SHOC2: variants seen among roughly 807,000 people sequenced by gnomAD.
The protein encoded by SHOC2 is leucine-rich repeat protein SHOC-2.
A neutral mutation model predicts 50.2 loss-of-function variants in SHOC2; 4 were observed. The observed-to-expected ratio is 0.08, with a 90% CI of 0.04 to 0.18. The LOEUF is 0.18. Among genes scored for constraint, SHOC2 ranks in the 10% least tolerant of loss-of-function variants. The pLI is 1.00. For missense variants in SHOC2, 388 were observed against 669.6 expected, an observed-to-expected ratio of 0.58 and a Z score of 4.64; for synonymous variants, 218 against 244.5, an observed-to-expected ratio of 0.89 and a Z score of 1.01.
At chr10:111,005,187 T>A (rs540104236) in intron 5 of SHOC2, among the ~76,000 whole-genome samples, 12 of 152,248 alleles carry the variant, frequency 7.9e-5, no homozygotes, top group African/African-American at 2.9e-4. Flanking sequence ...GGCAGGAGGA[T>A]GGCTTGAGCC....
chr10:110,946,955 C>A (rs958338140), intron 1 of SHOC2, among the ~76,000 whole-genome samples: 1 of 152,056 alleles, frequency 6.6e-6, no homozygotes, highest in South Asian at 2.1e-4. Context: ...AGAAGCATTT[C>A]GAATAACCAC....
chr10:110,974,389 G>C (rs192114502), intron 2 of SHOC2, among the ~76,000 whole-genome samples: 273 of 151,946 alleles, frequency 1.8e-3, no homozygotes, highest in African/African-American at 6.5e-3. Context: ...ACTATATTCT[G>C]TTGTTTTTTG....
chr10:110,989,058 A>G (rs1171304190), intron 3 of SHOC2: 1 of 495,268 alleles, frequency 2.0e-6, no homozygotes, highest in East Asian at 5.6e-5. Flanking sequence ...TCCATGATAT[A>G]TTATTGACTT....
intron 1 of SHOC2, among the ~76,000 whole-genome samples, chr10:110,922,056 C>A (rs971683044): frequency 2.0e-5 from 3 of 151,890 alleles, no homozygotes; most frequent in Non-Finnish European, 2.9e-5. Flanking sequence ...GGTCATGCAT[C>A]AACTTCTGAA....
chr10:110,963,998 A>C, intron 1 of SHOC2, 127 bp from the exon 2 acceptor site: 1 of 406,600 alleles, frequency 2.5e-6, no homozygotes, highest in South Asian at 9.9e-5. Flanking sequence ...TTTACCTATA[A>C]AGGATGTTCA....
chr10:110,945,274 A>C (rs1431150039), intron 1 of SHOC2, among the ~76,000 whole-genome samples: 3 of 152,214 alleles, frequency 2.0e-5, no homozygotes, highest in Admixed American at 6.5e-5. Context: ...TCCTGGAAAC[A>C]AGACTGCTCA....
At chr10:110,986,056 C>G (rs1848070543) in intron 3 of SHOC2, 1 of 332,528 alleles carries the variant, frequency 3.0e-6, no homozygotes, top group Non-Finnish European at 5.7e-6. Flanking sequence ...TTTTCTATTT[C>G]TGCTTATTTC....
At chr10:110,921,022 A>G (rs1590768426) in intron 1 of SHOC2, among the ~76,000 whole-genome samples, 1 of 152,226 alleles carries the variant, frequency 6.6e-6, no homozygotes, top group South Asian at 2.1e-4. Context: ...CAGCAACACC[A>G]CTGAAAAATA....
chr10:110,950,784 G>A (rs1046660056), intron 1 of SHOC2, among the ~76,000 whole-genome samples: 7 of 152,096 alleles, frequency 4.6e-5, no homozygotes, highest in Non-Finnish European at 1.0e-4. Context: ...TTCAATAAAT[G>A]GTGTTGGAAA....
chr10:110,962,607 A>G lies in SHOC2; in HGVS notation c.-234-1518A>G, dbSNP rs548899480. On this transcript the variant is annotated intron_variant, in intron 1 of 8. Coordinates refer to ENST00000369452, the MANE Select transcript of SHOC2 (RefSeq NM_007373.4). ...GCAGTTTCAAATTTACAGATTATTCATCCTCTACCCCAGTTCCTGTTATTT... is the reference window on the plus strand; with the variant it reads ...GCAGTTTCAAATTTACAGATTATTCGTCCTCTACCCCAGTTCCTGTTATTT... Among the ~76,000 whole-genome samples the G allele has an allele frequency of 5.3e-5, 8 of 152,258 alleles. No homozygotes were observed. The East Asian group carries it at 7.7e-4, about 15-fold the overall frequency.
At chr10:110,981,955 C>A (rs901597047) in intron 2 of SHOC2, among the ~76,000 whole-genome samples, 2 of 140,968 alleles carry the variant, frequency 1.4e-5, no homozygotes, top group Non-Finnish European at 3.1e-5. Context: ...GCTGCACCCA[C>A]TAACTTGTCA....
At chr10:111,009,430 CT>C (rs761420806) in intron 7 of SHOC2, 45 bp downstream of exon 7, 24 of 1,489,540 alleles carry the variant, frequency 1.6e-5, no homozygotes, top group Non-Finnish European at 2.1e-5. Flanking sequence ...TTTTTGGAAT[CT>C]GTTCCAAATT....
At chr10:110,990,274 T>C (rs1309368264) in intron 3 of SHOC2, among the ~76,000 whole-genome samples, 4 of 152,018 alleles carry the variant, frequency 2.6e-5, no homozygotes, top group Non-Finnish European at 5.9e-5. Flanking sequence ...TCAGGGATTG[T>C]AAATACACCA....
chr10:110,964,374 G>C lies in SHOC2; in HGVS notation c.16G>C (p.Gly6Arg). 1 of 1,612,882 alleles carries C rather than the reference G, an allele frequency of 6.2e-7. No individual in the cohort carries two copies. MSSSL[G>R]KEKDSKEKDP... ...TTGAGTCACCATGAGTAGTAGTTTA[G>C]GAAAAGAAAAAGACTCTAAAGAAAA... The change falls in exon 2 of 9, where the codon GGA becomes CGA. Residue 6 changes from glycine to arginine, a missense_variant. Physicochemically the swap from Gly to Arg is moderately radical, Grantham distance 125 (BLOSUM62 -2). This residue lies in a region of SHOC2 where 121 missense variants were observed against 145.5 expected (regional missense o/e 0.83). Coordinates refer to ENST00000369452, the MANE Select transcript of SHOC2 (RefSeq NM_007373.4). The surrounding 1 kb of genome is among the most constrained non-coding windows in gnomAD (Gnocchi z 4.9).
At chr10:110,982,573 T>C (rs1459521489) in intron 2 of SHOC2, among the ~76,000 whole-genome samples, 23 of 151,950 alleles carry the variant, frequency 1.5e-4, no homozygotes, top group African/African-American at 5.1e-4. Flanking sequence ...TGGTATCTCA[T>C]TGTGGTTTTG....
intron 5 of SHOC2, among the ~76,000 whole-genome samples, chr10:111,005,878 T>G (rs1253478215): frequency 6.6e-6 from 1 of 152,220 alleles, no homozygotes; most frequent in African/African-American, 2.4e-5. Context: ...TAATCTTAAA[T>G]GTACAATTTT....
chr10:110,988,327 C>A (rs1848119475), intron 3 of SHOC2, among the ~76,000 whole-genome samples: 1 of 152,088 alleles, frequency 6.6e-6, no homozygotes, highest in African/African-American at 2.4e-5. Flanking sequence ...CCATCCAGGA[C>A]AGGACTTTTC....
rs576572657 is a variant in SHOC2, at chr10:110,970,980, A to G, written c.703+5919A>G. Among the ~76,000 whole-genome samples the G allele has an allele frequency of 1.7e-4, 26 of 152,102 alleles. No individual in the cohort carries two copies. The South Asian group carries it at 1.9e-3, about 11-fold the overall frequency. On this transcript the variant is annotated intron_variant, in intron 2 of 8. Coordinates refer to ENST00000369452, the MANE Select transcript of SHOC2 (RefSeq NM_007373.4). ...ATCTATTGTCAGATGAGTAGTTTGC[A>G]TATATTTTCTTTCATTCTGCAGGTT...
At chr10:111,005,741 G>C (rs1259375994) in intron 5 of SHOC2, among the ~76,000 whole-genome samples, 1 of 152,178 alleles carries the variant, frequency 6.6e-6, no homozygotes, top group African/African-American at 2.4e-5. Context: ...AAATTATCAA[G>C]TTCAGTGATT....
Sources: allele counts gnomAD v4.1 joint callset (sites outside exome capture counted in the v4.1 genomes callset), GRCh38; gene constraint gnomAD v4.1.1; regional missense constraint gnomAD v4.1.1; non-coding constraint Gnocchi (gnomAD v3.1); transcripts MANE v1.5; gene names NCBI Gene and HGNC (gene_info 2026-07-23, HGNC 2026-07-21).